ICE1: variants seen among roughly 807,000 people sequenced by gnomAD.
ICE1 encodes the protein little elongation complex subunit 1.
Under a neutral mutation model 192.7 loss-of-function variants are expected in ICE1, and 64 were observed. The ratio of observed to expected loss-of-function variants is 0.33; its 90% confidence interval spans 0.27 to 0.41. The LOEUF is 0.41. Among genes scored for constraint, ICE1 ranks in the 10% least tolerant of loss-of-function variants. ICE1 has a pLI of 1.00. For missense variants in ICE1, 2,708 were observed against 2,696.0 expected, an observed-to-expected ratio of 1.00 and a Z score of -0.10; for synonymous variants, 1,010 against 984.5, an observed-to-expected ratio of 1.03 and a Z score of -0.49.
intron 10 of ICE1, among the ~76,000 whole-genome samples, chr5:5,451,915 A>G (rs1181630397): frequency 6.6e-6 from 1 of 152,138 alleles, no homozygotes; most frequent in East Asian, 1.9e-4. Context: ...AGCTGCAAAA[A>G]TACCAAATAA....
chr5:5,468,367 T>C (rs556869750), intron 14 of ICE1, among the ~76,000 whole-genome samples: 60 of 152,328 alleles, frequency 3.9e-4, no homozygotes, highest in African/African-American at 1.4e-3. Flanking sequence ...ACTTTATACT[T>C]TAAAAGAGTT....
chr5:5,438,603 G>A (rs770609873), intron 3 of ICE1, among the ~76,000 whole-genome samples: 4 of 152,218 alleles, frequency 2.6e-5, no homozygotes, highest in Non-Finnish European at 5.9e-5. Context: ...TAGGGAAATA[G>A]ATGGGCAGTT....
chr5:5,476,815 TAAAC>T (rs914396050), intron 17 of ICE1, among the ~76,000 whole-genome samples: 10 of 152,300 alleles, frequency 6.6e-5, no homozygotes, highest in Non-Finnish European at 1.0e-4. Context: ...CGGGGACAGA[TAAAC>T]AAACTGTATC....
Position 5,462,694 on chromosome 5 carries a change from C to A in ICE1, c.3360C>A (p.Ser1120Arg). 6.2e-7 allele frequency: 1 copy of A among 1,613,754 alleles called. No individual in the cohort carries two copies. Among genetic ancestry groups the A allele is most frequent in the East Asian group, 2.2e-5 (1 of 44,876 alleles). The change falls in exon 13 of 19, where the codon AGC (serine) becomes AGA (arginine). Residue 1120 changes from serine to arginine, a missense_variant. Ser to Arg is a moderately radical substitution (Grantham distance 110). Transcript: ENST00000296564. ...ESEAFSCSEGSEQQDAPDDSQ... is the reference protein window; with the variant it reads ...ESEAFSCSEGREQQDAPDDSQ... ...AGGCATTTAGCTGCAGTGAGGGGAG[C>A]GAACAGCAAGATGCTCCTGATGACT...
At chr5:5,474,224 GA>G (rs5865611) in intron 16 of ICE1, among the ~76,000 whole-genome samples, 2 of 147,632 alleles carry the variant, frequency 1.4e-5, no homozygotes, top group African/African-American at 4.9e-5. Context: ...AAAAAAAAAA[GA>G]AAAAAAATGC....
chr5:5,454,085 G>A (rs1738513919), intron 10 of ICE1, among the ~76,000 whole-genome samples: 1 of 152,122 alleles, frequency 6.6e-6, no homozygotes, highest in Non-Finnish European at 1.5e-5. Flanking sequence ...GTTAAGTCTA[G>A]TGACTTTTCT....
intron 14 of ICE1, among the ~76,000 whole-genome samples, chr5:5,468,345 C>T (rs1739051067): frequency 6.6e-6 from 1 of 152,088 alleles, no homozygotes; most frequent in Non-Finnish European, 1.5e-5. Context: ...ATCATTTATC[C>T]AAATTCATTG....
intron 10 of ICE1, among the ~76,000 whole-genome samples, chr5:5,449,556 A>G (rs1402311595): frequency 6.6e-6 from 1 of 152,198 alleles, no homozygotes; most frequent in Non-Finnish European, 1.5e-5. Context: ...GATAGTATCA[A>G]TTGGTGATGA....
chr5:5,468,163 C>T (rs1739045301), intron 14 of ICE1, among the ~76,000 whole-genome samples: 1 of 152,142 alleles, frequency 6.6e-6, no homozygotes, highest in South Asian at 2.1e-4. Context: ...GAAGAAAGTA[C>T]CTACTTCACA....
chr5:5,435,408 T>A (rs1033779757), intron 1 of ICE1, among the ~76,000 whole-genome samples: 2 of 152,190 alleles, frequency 1.3e-5, no homozygotes, highest in Admixed American at 6.5e-5. Context: ...CAGTGAAAAT[T>A]GAACATAGTT....
In ICE1 at chr5:5,441,098, T is replaced by C; in HGVS notation, c.198-14T>C. ...AGATCCTTTTCTGTAATAATGTTAA[T>C]TCATTGTCTTTAGAGAGAATAGTAA... On this transcript the variant is annotated splice_polypyrimidine_tract_variant and intron_variant, in intron 4 of 18. Coordinates refer to ENST00000296564, the MANE Select transcript of ICE1 (RefSeq NM_015325.3). 1.4e-6 allele frequency: 2 copies of C among 1,416,220 alleles called. No individual in the cohort carries two copies. The highest frequency in any genetic ancestry group is 2.5e-5 in the East Asian group (1 of 40,434). 87.7% of individuals were successfully genotyped at this position (1,416,220 alleles called of 1,614,324 possible). A position where few individuals can be genotyped will look rare whatever the true frequency, so the allele number is the denominator to read the frequency against.
chr5:5,447,116 T>C (rs2111355515), intron 7 of ICE1, among the ~76,000 whole-genome samples: 1 of 152,340 alleles, frequency 6.6e-6, no homozygotes, highest in Admixed American at 6.5e-5. Context: ...GTGATTGAAA[T>C]GGGACGGCAA....
chr5:5,427,468 A>G (rs964688170), intron 1 of ICE1, among the ~76,000 whole-genome samples: 11 of 152,230 alleles, frequency 7.2e-5, no homozygotes, highest in African/African-American at 2.2e-4. Context: ...AGTGCAAAAC[A>G]GTTGGATTCT....
chr5:5,473,565 C>T lies in ICE1; in HGVS notation c.6230C>T (p.Pro2077Leu), dbSNP rs1358470317. The T allele has an allele frequency of 1.1e-5, 17 of 1,608,840 alleles. No homozygotes were observed. Among genetic ancestry groups the T allele is most frequent in the South Asian group, 2.2e-5 (2 of 89,608 alleles). Residue 2077 changes from proline to leucine, a missense_variant, in exon 16 of 19, where the codon CCG becomes CTG. This residue lies in a region of ICE1 where 342 missense variants were observed against 419.3 expected (regional missense o/e 0.82). Coordinates refer to ENST00000296564, the MANE Select transcript of ICE1 (RefSeq NM_015325.3). The stretch of plus-strand genomic sequence containing the variant: ...TTTCTTTTCATTTGCTAGAATGCCC[C>T]GGTAGATGTTGGCTTCATGGTTTCT... The part of the protein sequence containing the change: ...RAFLNWEKNA[P>L]VDVGFMVSKL...
At chr5:5,459,408 G>A (rs1375318482) in intron 12 of ICE1, among the ~76,000 whole-genome samples, 2 of 152,220 alleles carry the variant, frequency 1.3e-5, no homozygotes, top group Non-Finnish European at 2.9e-5. Context: ...ATGTACACAG[G>A]TGAGATACTG....
intron 14 of ICE1, among the ~76,000 whole-genome samples, chr5:5,468,546 T>G (rs1739060024): frequency 6.6e-6 from 1 of 152,246 alleles, no homozygotes; most frequent in Non-Finnish European, 1.5e-5. Context: ...TAAAAACCTA[T>G]GTAATGTAAT....
chr5:5,436,544 C>T (rs1390227926), intron 2 of ICE1, 68 bp downstream of exon 2: 1 of 865,828 alleles, frequency 1.2e-6, no homozygotes, highest in African/African-American at 1.8e-5. Context: ...GCAGGCGGTG[C>T]TTTTAGGCCC....
chr5:5,455,311 T>C (rs1430822873), intron 11 of ICE1, among the ~76,000 whole-genome samples: 1 of 152,190 alleles, frequency 6.6e-6, no homozygotes, highest in East Asian at 1.9e-4. Context: ...TCAGAACTTG[T>C]CGAGTGTACG....
In ICE1 at chr5:5,486,765, G is replaced by C; in HGVS notation, c.6565G>C (p.Val2189Leu). 1 of 1,603,668 alleles carries C rather than the reference G, an allele frequency of 6.2e-7. No homozygotes were observed. The highest frequency in any genetic ancestry group is 8.5e-7 in the Non-Finnish European group (1 of 1,174,458). The part of the protein sequence containing the change: ...LGLKEGFPSA[V>L]KNISSVIGMF... ...TTTGAAAGAAGGATTTCCATCTGCT[G>C]TGAAAAATATTAGTTCGGTTATTGG... The change falls in exon 18 of 19, where the codon GTG becomes CTG. Residue 2189 changes from valine (V) to leucine (L), a missense_variant. Physicochemically the swap from Val to Leu is conservative, Grantham distance 32. This residue lies in a region of ICE1 where 342 missense variants were observed against 419.3 expected (regional missense o/e 0.82). Coordinates refer to ENST00000296564, the MANE Select transcript of ICE1 (RefSeq NM_015325.3).
Sources: allele counts gnomAD v4.1 joint callset (sites outside exome capture counted in the v4.1 genomes callset), GRCh38; gene constraint gnomAD v4.1.1; regional missense constraint gnomAD v4.1.1; transcripts MANE v1.5; gene names NCBI Gene and HGNC (gene_info 2026-07-23, HGNC 2026-07-21).